LINGO2: variants seen among roughly 807,000 people sequenced by gnomAD.
LINGO2 encodes the protein leucine rich repeat and Ig domain containing 2.
Under a neutral mutation model 30.6 loss-of-function variants are expected in LINGO2, and 14 were observed. That is an observed-to-expected ratio of 0.46 (90% CI 0.30 to 0.72). The LOEUF (loss-of-function observed/expected upper bound fraction) is 0.72. LINGO2 is among the 30% of genes least tolerant of loss of function. The probability of loss-of-function intolerance (pLI) is 0.07; values close to 1 mark genes in which losing one functional copy is unlikely to be tolerated. For synonymous variants in LINGO2, 317 were observed against 288.5 expected, an observed-to-expected ratio of 1.10 and a Z score of -1.00; for missense variants, 729 against 751.7, an observed-to-expected ratio of 0.97 and a Z score of 0.35.
chr9:28,831,769 C>T, the LINGO2 span, among the ~76,000 whole-genome samples: 1 of 152,296 alleles, frequency 6.6e-6, no homozygotes, highest in Middle Eastern at 3.4e-3. Flanking sequence ...TCATGGCTAT[C>T]TTTCCCCAAG....
the LINGO2 span, among the ~76,000 whole-genome samples, chr9:29,138,065 T>A: frequency 2.0e-5 from 3 of 151,946 alleles, no homozygotes; most frequent in Non-Finnish European, 4.4e-5. Flanking sequence ...CTTCTATAGT[T>A]TGCTTATCAA....
chr9:28,689,201 G>A, the LINGO2 span, among the ~76,000 whole-genome samples: 10 of 152,248 alleles, frequency 6.6e-5, no homozygotes, highest in South Asian at 2.1e-3. Flanking sequence ...GGAAATGTGG[G>A]CAGCTGTTAG....
At chr9:29,084,282 A>G in the LINGO2 span, among the ~76,000 whole-genome samples, 1 of 152,110 alleles carries the variant, frequency 6.6e-6, no homozygotes, top group African/African-American at 2.4e-5. Flanking sequence ...ACAATGAAGT[A>G]CTGTGACCAT....
At chr9:27,964,796 T>A (rs777748548) in intron 5 of LINGO2, among the ~76,000 whole-genome samples, 1 of 152,108 alleles carries the variant, frequency 6.6e-6, no homozygotes, top group Non-Finnish European at 1.5e-5. Flanking sequence ...TAGTTTCCTT[T>A]CATCTGGATG....
chr9:28,093,409 G>A (rs1326382080), intron 4 of LINGO2, among the ~76,000 whole-genome samples: 1 of 151,998 alleles, frequency 6.6e-6, no homozygotes, highest in African/African-American at 2.4e-5. Flanking sequence ...ACACTGCAGT[G>A]TAACTCGCTT....
the LINGO2 span, among the ~76,000 whole-genome samples, chr9:28,901,804 G>C: frequency 6.6e-6 from 1 of 151,874 alleles, no homozygotes; most frequent in South Asian, 2.1e-4. Flanking sequence ...ATAAGTTACA[G>C]AACAACCAGA....
At chr9:28,015,166 AAT>A (rs1221546525) in intron 4 of LINGO2, among the ~76,000 whole-genome samples, 2 of 152,158 alleles carry the variant, frequency 1.3e-5, no homozygotes, top group African/African-American at 4.8e-5. Flanking sequence ...ACAAAATGGA[AAT>A]ATATTAGTGG....
chr9:28,339,686 T>A (rs1825704050), intron 3 of LINGO2, among the ~76,000 whole-genome samples: 1 of 152,304 alleles, frequency 6.6e-6, no homozygotes, highest in African/African-American at 2.4e-5. Context: ...TTTAAATAAA[T>A]TTTTACTTTA....
At chr9:28,169,448 C>T (rs1224993608) in intron 4 of LINGO2, among the ~76,000 whole-genome samples, 2 of 152,032 alleles carry the variant, frequency 1.3e-5, no homozygotes, top group Admixed American at 1.3e-4. Context: ...AAAAGCAAAA[C>T]CGGAAGAAAA....
intron 1 of LINGO2, among the ~76,000 whole-genome samples, chr9:28,604,553 C>T (rs1374695987): frequency 6.6e-6 from 1 of 151,842 alleles, no homozygotes; most frequent in Non-Finnish European, 1.5e-5. Context: ...TAGCTTGTTT[C>T]CAAAAGAGGA....
At chr9:28,998,159 T>G in the LINGO2 span, among the ~76,000 whole-genome samples, 6 of 152,202 alleles carry the variant, frequency 3.9e-5, no homozygotes, top group African/African-American at 1.4e-4. Context: ...TTGAGGATAT[T>G]GAAAGGCTTA....
At chr9:28,737,994 T>C in the LINGO2 span, among the ~76,000 whole-genome samples, 3 of 152,082 alleles carry the variant, frequency 2.0e-5, no homozygotes, top group South Asian at 4.1e-4. Context: ...TTTCTGGCAT[T>C]CCCTCTCAGC....
At chr9:28,936,900 G>A in the LINGO2 span, among the ~76,000 whole-genome samples, 3 of 152,118 alleles carry the variant, frequency 2.0e-5, no homozygotes, top group Admixed American at 2.0e-4. Flanking sequence ...AGCAGGATTG[G>A]TTTCTGGTGA....
At chr9:28,573,695 GTT>G (rs1823817466) in intron 1 of LINGO2, among the ~76,000 whole-genome samples, 1 of 152,066 alleles carries the variant, frequency 6.6e-6, no homozygotes, top group Admixed American at 6.6e-5. Flanking sequence ...TCGTGGCAAG[GTT>G]ATATTTTTTG....
At chr9:29,067,362 A>T in the LINGO2 span, among the ~76,000 whole-genome samples, 36 of 151,892 alleles carry the variant, frequency 2.4e-4, no homozygotes, top group African/African-American at 8.7e-4. Flanking sequence ...AAGAGGCTAG[A>T]AAAAAATTAA....
At chr9:28,414,409 C>G (rs1233208465) in intron 2 of LINGO2, among the ~76,000 whole-genome samples, 1 of 151,972 alleles carries the variant, frequency 6.6e-6, no homozygotes, top group Non-Finnish European at 1.5e-5. Context: ...CAAATTTTAA[C>G]ACATATTTTC....
intron 4 of LINGO2, among the ~76,000 whole-genome samples, chr9:28,238,833 T>A (rs1564066919): frequency 8.8e-6 from 1 of 113,250 alleles, no homozygotes; most frequent in Non-Finnish European, 1.9e-5. Context: ...AAATAACAGA[T>A]AAATGAAACA....
the LINGO2 span, among the ~76,000 whole-genome samples, chr9:28,932,902 A>ATAT: frequency 0.09 from 13,467 of 149,832 alleles, 685 homozygotes; most frequent in South Asian, 0.15. Context: ...TCTTTTTATT[A>ATAT]TATTATTATT....
the LINGO2 span, among the ~76,000 whole-genome samples, chr9:29,077,371 ACTT>A: frequency 1.3e-5 from 2 of 152,082 alleles, no homozygotes; most frequent in Non-Finnish European, 2.9e-5. Flanking sequence ...GCAAGGTACT[ACTT>A]CTCAGAAAAT....
Sources: allele counts gnomAD v4.1 joint callset (sites outside exome capture counted in the v4.1 genomes callset), GRCh38; gene constraint gnomAD v4.1.1; transcripts MANE v1.5; gene names NCBI Gene and HGNC (gene_info 2026-07-23, HGNC 2026-07-21).